CFAP299: variants seen among roughly 807,000 people sequenced by gnomAD.
The protein encoded by CFAP299 is cilia and flagella associated protein 299.
A neutral mutation model predicts 27.0 loss-of-function variants in CFAP299; 21 were observed. That is an observed-to-expected ratio of 0.78 (90% CI 0.55 to 1.12). The LOEUF is 1.12. Among genes scored for constraint, CFAP299 ranks in the 50% most tolerant of loss-of-function variants. The pLI is 0.00. For synonymous variants in CFAP299, 104 were observed against 98.1 expected, an observed-to-expected ratio of 1.06 and a Z score of -0.36; for missense variants, 310 against 276.6, an observed-to-expected ratio of 1.12 and a Z score of -0.86.
intron 2 of CFAP299, among the ~76,000 whole-genome samples, chr4:80,436,758 T>A (rs1728102475): frequency 6.6e-6 from 1 of 152,160 alleles, no homozygotes; most frequent in South Asian, 2.1e-4. Context: ...CGACCTTTTG[T>A]CCTTGGGTAA....
intron 5 of CFAP299, among the ~76,000 whole-genome samples, chr4:80,958,987 T>C (rs1160930067): frequency 1.3e-5 from 2 of 152,194 alleles, no homozygotes; most frequent in Admixed American, 1.3e-4. Flanking sequence ...AAAATCACTG[T>C]TGTGGACTTA....
intron 4 of CFAP299, among the ~76,000 whole-genome samples, chr4:80,931,332 A>C (rs1736606135): frequency 6.6e-6 from 1 of 152,084 alleles, no homozygotes; most frequent in South Asian, 2.1e-4. Context: ...AAAGATCCTT[A>C]TTTACCTAAA....
rs562345004 is a variant in CFAP299, at chr4:80,650,109, C to A, written c.333+66926C>A. 4.0e-5 allele frequency among the ~76,000 whole-genome samples: 6 copies of A among 151,434 alleles called. 1 individual carries two copies. The highest frequency in any genetic ancestry group is 3.9e-4 in the Admixed American group (6 of 15,200). On this transcript the variant is annotated intron_variant, in intron 3 of 5. Transcript: ENST00000358105. The stretch of plus-strand genomic sequence containing the variant: ...ATATAGCATAAGAAAATGTGAATAC[C>A]GTTTATATGTAGAATTATCTAAAAT...
At chr4:80,573,355 G>C (rs1735689475) in intron 2 of CFAP299, among the ~76,000 whole-genome samples, 2 of 151,928 alleles carry the variant, frequency 1.3e-5, no homozygotes, top group South Asian at 4.1e-4. Context: ...TGAACTCTTT[G>C]TATATTCTGG....
At chr4:80,753,808 A>G (rs1434587661) in intron 3 of CFAP299, among the ~76,000 whole-genome samples, 2 of 151,886 alleles carry the variant, frequency 1.3e-5, no homozygotes, top group Non-Finnish European at 2.9e-5. Flanking sequence ...CTCCTTTTCC[A>G]TGTTTGTTTG....
chr4:80,685,163 T>C (rs1340514048), intron 3 of CFAP299, among the ~76,000 whole-genome samples: 1 of 152,204 alleles, frequency 6.6e-6, no homozygotes, highest in Non-Finnish European at 1.5e-5. Context: ...CAAAAGAGAC[T>C]CTTGGGCTGG....
chr4:80,634,487 A>G (rs1057338336), intron 3 of CFAP299, among the ~76,000 whole-genome samples: 12 of 152,146 alleles, frequency 7.9e-5, no homozygotes, highest in African/African-American at 2.7e-4. Context: ...TTATATATAT[A>G]TATCTGTATA....
At chr4:80,678,408 G>A (rs1302060044) in intron 3 of CFAP299, among the ~76,000 whole-genome samples, 3 of 151,936 alleles carry the variant, frequency 2.0e-5, no homozygotes, top group Non-Finnish European at 1.5e-5. Flanking sequence ...AATAAAGTAA[G>A]AATTTACATT....
chr4:80,902,459 C>CATATATGT (rs1379131885), intron 4 of CFAP299, among the ~76,000 whole-genome samples: 2 of 114,332 alleles, frequency 1.7e-5, no homozygotes, highest in Non-Finnish European at 3.2e-5. Context: ...TACATATATA[C>CATATATGT]ATATATGTAT....
At chr4:80,798,064 T>C (rs772987413) in intron 3 of CFAP299, among the ~76,000 whole-genome samples, 1 of 152,098 alleles carries the variant, frequency 6.6e-6, no homozygotes, top group Non-Finnish European at 1.5e-5. Context: ...TTAATATCCA[T>C]TTCCATGCCT....
intron 2 of CFAP299, among the ~76,000 whole-genome samples, chr4:80,368,135 A>C (rs746903717): frequency 6.6e-6 from 1 of 152,226 alleles, no homozygotes; most frequent in Non-Finnish European, 1.5e-5. Flanking sequence ...GATGATCGGA[A>C]TAAGTGGTAG....
At chr4:80,579,430 G>A (rs1236476840) in intron 2 of CFAP299, among the ~76,000 whole-genome samples, 3 of 152,090 alleles carry the variant, frequency 2.0e-5, no homozygotes, top group Non-Finnish European at 2.9e-5. Flanking sequence ...TCATTGTTAC[G>A]GAAGAAGGGG....
chr4:80,575,388 C>T (rs1735802075), intron 2 of CFAP299, among the ~76,000 whole-genome samples: 1 of 151,626 alleles, frequency 6.6e-6, no homozygotes, highest in South Asian at 2.1e-4. Flanking sequence ...TGCAGTGGCA[C>T]TATCACACCT....
At chr4:80,748,812 T>C (rs986556987) in intron 3 of CFAP299, among the ~76,000 whole-genome samples, 1 of 152,192 alleles carries the variant, frequency 6.6e-6, no homozygotes, top group African/African-American at 2.4e-5. Flanking sequence ...ATAAAGATTA[T>C]TTGTTCTGAT....
At chr4:80,677,416 A>G (rs900529138) in intron 3 of CFAP299, among the ~76,000 whole-genome samples, 14 of 152,228 alleles carry the variant, frequency 9.2e-5, no homozygotes, top group African/African-American at 3.1e-4. Context: ...GTATGCAACA[A>G]CATTTAATTG....
intron 2 of CFAP299, among the ~76,000 whole-genome samples, chr4:80,476,261 C>A (rs955620957): frequency 2.6e-5 from 4 of 152,124 alleles, no homozygotes; most frequent in African/African-American, 9.7e-5. Context: ...TTGGGGCCTA[C>A]AAATTAACTG....
chr4:80,612,874 G>T (rs376040637), intron 3 of CFAP299, among the ~76,000 whole-genome samples: 4 of 152,158 alleles, frequency 2.6e-5, no homozygotes, highest in African/African-American at 9.6e-5. Flanking sequence ...TTCTTAACAA[G>T]TTTGATTGTC....
intron 3 of CFAP299, among the ~76,000 whole-genome samples, chr4:80,630,299 G>A (rs1202879629): frequency 1.3e-5 from 2 of 152,084 alleles, no homozygotes; most frequent in African/African-American, 4.8e-5. Context: ...ATTCAAAAGT[G>A]AACCTCATCA....
chr4:80,389,366 AT>A (rs1282847683), intron 2 of CFAP299, among the ~76,000 whole-genome samples: 2 of 152,150 alleles, frequency 1.3e-5, no homozygotes, highest in African/African-American at 4.8e-5. Context: ...CCGAAGTCCC[AT>A]TTTAAGAGTC....
Sources: allele counts gnomAD v4.1 joint callset (sites outside exome capture counted in the v4.1 genomes callset), GRCh38; gene constraint gnomAD v4.1.1; transcripts MANE v1.5; gene names NCBI Gene and HGNC (gene_info 2026-07-23, HGNC 2026-07-21).